The following FANCL variants were observed in gnomAD, a reference collection of about 807,000 sequenced individuals.
The protein encoded by FANCL is E3 ubiquitin-protein ligase FANCL.
FANCL carries 69 observed loss-of-function variants against 59.4 expected under a neutral mutation model. That is an observed-to-expected ratio of 1.16 (90% CI 0.96 to 1.42). The LOEUF (loss-of-function observed/expected upper bound fraction) is 1.42, where lower values mean the gene tolerates loss of function less well. FANCL is among the 40% of genes most tolerant of loss of function. The pLI, the probability that FANCL is intolerant of heterozygous loss-of-function variation, is 0.00. For missense variants in FANCL, 519 were observed against 447.2 expected (o/e 1.16, Z -1.45); for synonymous variants, 180 against 147.1 (o/e 1.22, Z -1.62).
chr2:58,177,554 T>C (rs1289287546), intron 7 of FANCL, among the ~76,000 whole-genome samples: 1 of 142,216 alleles, frequency 7.0e-6, no homozygotes, highest in Non-Finnish European at 1.5e-5. Flanking sequence ...CACCGCATAT[T>C]CTCACTCATA....
intron 6 of FANCL, among the ~76,000 whole-genome samples, chr2:58,202,713 T>C (rs920898402): frequency 7.9e-5 from 12 of 151,722 alleles, no homozygotes; most frequent in Admixed American, 3.9e-4. Flanking sequence ...GCAGACAAAA[T>C]GGACCATATT....
chr2:58,165,648 CTG>C, intron 8 of FANCL, 74 bp downstream of exon 8: 1 of 1,574,142 alleles, frequency 6.4e-7, no homozygotes, highest in Non-Finnish European at 8.7e-7. Context: ...CTGAGTCCAA[CTG>C]TCATTGTTAG....
chr2:58,180,750 T>G (rs1687857052), intron 7 of FANCL, among the ~76,000 whole-genome samples: 1 of 151,978 alleles, frequency 6.6e-6, no homozygotes. Context: ...ACCTTCTCAT[T>G]TTTTAACATA....
At chr2:58,199,735 A>C (rs977324112) in intron 6 of FANCL, among the ~76,000 whole-genome samples, 1 of 152,132 alleles carries the variant, frequency 6.6e-6, no homozygotes, top group Non-Finnish European at 1.5e-5. Context: ...CTTCAAAGTC[A>C]CATGTAATTA....
chr2:58,225,435 A>G (rs1179910314), intron 4 of FANCL, among the ~76,000 whole-genome samples: 2 of 152,014 alleles, frequency 1.3e-5, no homozygotes, highest in African/African-American at 2.4e-5. Flanking sequence ...AATTTTTAAA[A>G]TTACCATTTG....
At chr2:58,220,816 C>T (rs959676297) in intron 5 of FANCL, among the ~76,000 whole-genome samples, 1 of 152,152 alleles carries the variant, frequency 6.6e-6, no homozygotes, top group African/African-American at 2.4e-5. Flanking sequence ...TTGCACATTC[C>T]TTCCACATTG....
At chr2:58,185,701 C>G (rs1688331993) in intron 7 of FANCL, among the ~76,000 whole-genome samples, 1 of 151,994 alleles carries the variant, frequency 6.6e-6, no homozygotes, top group Non-Finnish European at 1.5e-5. Flanking sequence ...TGAAATAAAC[C>G]ACTCGAAAAC....
intron 12 of FANCL, among the ~76,000 whole-genome samples, 184 bp from the exon 13 acceptor site, chr2:58,160,363 A>G (rs1269970106): frequency 6.6e-6 from 1 of 152,042 alleles, no homozygotes; most frequent in Non-Finnish European, 1.5e-5. Flanking sequence ...GATGTTGAGT[A>G]ACAAGGGAAA....
rs1684877729 is a variant in FANCL at position 58,160,036 on chromosome 2, TAG to T, written c.1092+70_1092+71del. 5 of 1,602,554 alleles carry T rather than the reference TAG, an allele frequency of 3.1e-6. No individual in the cohort carries two copies. In the African/African-American group the frequency reaches 6.7e-5, roughly 21 times the overall value. On this transcript the variant is annotated intron_variant, in intron 13 of 13. Coordinates refer to ENST00000233741, the MANE Select transcript of FANCL (RefSeq NM_018062.4). The stretch of plus-strand genomic sequence containing the variant: ...GTTTTAGATAAACTGATATACTATA[TAG>T]ATCTATCTTCTAGAACATATTACTG...
intron 7 of FANCL, among the ~76,000 whole-genome samples, chr2:58,184,345 T>TA (rs937173488): frequency 1.3e-5 from 2 of 152,008 alleles, no homozygotes; most frequent in African/African-American, 4.8e-5. Flanking sequence ...AAAGGAGAAG[T>TA]AAAAAATGCA....
chr2:58,182,074 G>C (rs1225368054), intron 7 of FANCL, among the ~76,000 whole-genome samples: 2 of 151,688 alleles, frequency 1.3e-5, no homozygotes, highest in Admixed American at 1.3e-4. Flanking sequence ...CTGAATCAGA[G>C]AATCTCAAAT....
rs17614782 is a variant in FANCL at position 58,215,842 on chromosome 2, C to T, written c.374+6100G>A. 6.2e-3 allele frequency among the ~76,000 whole-genome samples: 940 copies of T among 151,910 alleles called. 2 individuals carry two copies. Among genetic ancestry groups the T allele is most frequent in the Non-Finnish European group, 0.01 (700 of 67,974 alleles). ...TTCTGCCAATATTCCCTCAAAACTT[C>T]TGATAAATCCTTAAACTGTAGGGAA... On this transcript the variant is annotated intron_variant, in intron 5 of 13. Transcript: ENST00000233741.
chr2:58,233,233 A>T (rs1248845328), intron 1 of FANCL, among the ~76,000 whole-genome samples: 1 of 130,652 alleles, frequency 7.7e-6, no homozygotes, highest in African/African-American at 3.8e-5. Context: ...AATTTACACG[A>T]AAAATAGAAG....
chr2:58,192,577 T>C (rs892348956), intron 7 of FANCL, among the ~76,000 whole-genome samples: 2 of 151,944 alleles, frequency 1.3e-5, no homozygotes, highest in African/African-American at 2.4e-5. Context: ...GATACAAATA[T>C]CTTCATAATA....
chr2:58,196,991 G>A (rs1249567670), intron 7 of FANCL, among the ~76,000 whole-genome samples: 1 of 149,500 alleles, frequency 6.7e-6, no homozygotes, highest in Non-Finnish European at 1.5e-5. Flanking sequence ...AATAAAAAAA[G>A]AAAGCTATAA....
intron 5 of FANCL, among the ~76,000 whole-genome samples, chr2:58,204,518 GCA>G (rs2105151413): frequency 6.6e-6 from 1 of 152,062 alleles, no homozygotes; most frequent in Non-Finnish European, 1.5e-5. Context: ...GGAACCTTTG[GCA>G]CACACAGCAT....
intron 6 of FANCL, among the ~76,000 whole-genome samples, chr2:58,200,455 T>C (rs917352258): frequency 2.0e-5 from 3 of 152,066 alleles, no homozygotes; most frequent in African/African-American, 7.2e-5. Context: ...TTGAAACCTC[T>C]GTGGGTCAAA....
chr2:58,204,249 A>C lies in FANCL; in HGVS notation c.375-23T>G, dbSNP rs753726472. On this transcript the variant is annotated intron_variant, in intron 5 of 13. Transcript: ENST00000233741. ...AGTCTGGTGAGCAGAGGAGAATAAA[A>C]AATGATCACACCGGGGAGAGCTGGA... The C allele has an allele frequency of 1.5e-5, 24 of 1,563,998 alleles. No homozygotes were observed. In the South Asian group the frequency reaches 2.6e-4, roughly 17 times the overall value.
At chr2:58,220,674 T>C (rs1211681528) in intron 5 of FANCL, among the ~76,000 whole-genome samples, 1 of 152,210 alleles carries the variant, frequency 6.6e-6, no homozygotes, top group Non-Finnish European at 1.5e-5. Context: ...CCTTGTTCTC[T>C]TTTAAATGGC....
Sources: gnomAD v4.1 joint callset for allele counts (sites outside exome capture counted in the v4.1 genomes callset) on GRCh38, gnomAD v4.1.1 for gene constraint, MANE v1.5 for transcripts, NCBI Gene and HGNC (gene_info 2026-07-23, HGNC 2026-07-21) for gene names.